The following KRT4 variants were observed in gnomAD, a reference collection of about 807,000 sequenced individuals.
The protein encoded by KRT4 is keratin 4, also known as keratin, type II cytoskeletal 4.
A neutral mutation model predicts 50.6 loss-of-function variants in KRT4; 47 were observed. The observed-to-expected ratio is 0.93, with a 90% confidence interval of 0.73 to 1.18. The LOEUF (loss-of-function observed/expected upper bound fraction) is 1.18, where lower values mean the gene tolerates loss of function less well. Ranked by LOEUF, KRT4 falls within the 50% of genes most tolerant of loss-of-function variation. The probability of loss-of-function intolerance (pLI) is 0.00; values close to 1 mark genes in which losing one functional copy is unlikely to be tolerated. For missense variants in KRT4, 651 were observed against 645.7 expected, an observed-to-expected ratio of 1.01 and a Z score of -0.09; for synonymous variants, 254 against 251.2, an observed-to-expected ratio of 1.01 and a Z score of -0.10.
chr12:52,806,971 A>C lies in KRT4; in HGVS notation c.*98T>G, dbSNP rs1277500729. The C allele has an allele frequency of 8.6e-7, 1 of 1,167,754 alleles. No homozygotes were observed. The highest frequency in any genetic ancestry group is 1.3e-6 in the Non-Finnish European group (1 of 784,850). The allele number at this position is 1,167,754 out of a possible 1,614,324, so 72.3% of individuals were successfully genotyped here. ...TAGTGGAGGGGATACTAGTAAGATG[A>C]GCCCCAGAGACAGAGGATGGAGGTG... On this transcript the variant is annotated 3_prime_UTR_variant, in exon 9 of 9. Transcript: ENST00000551956.
At chr12:52,810,668 A>G in intron 3 of KRT4, 88 bp downstream of exon 3, 1 of 1,086,282 alleles carries the variant, frequency 9.2e-7, no homozygotes, top group Non-Finnish European at 1.4e-6. Context: ...TGAGGCAGAG[A>G]TGGACCAAAC....
At chr12:52,812,418 G>T (rs1939928871) in intron 1 of KRT4, among the ~76,000 whole-genome samples, 6 of 152,188 alleles carry the variant, frequency 3.9e-5, no homozygotes, top group Admixed American at 3.9e-4. Context: ...CTTATCAATG[G>T]ATCTGGCGTG....
At chr12:52,812,833 C>T (rs1185961501) in intron 1 of KRT4, among the ~76,000 whole-genome samples, 1 of 152,108 alleles carries the variant, frequency 6.6e-6, no homozygotes, top group Admixed American at 6.5e-5. Context: ...TCATTCTTGC[C>T]CCATATGTCG....
Position 52,807,206 on chromosome 12 carries a change from A to G in KRT4, c.1426T>C (p.Leu476=), listed in dbSNP as rs1160850979. ...STSTGGISGG[L]GSGSGFGLSS... is the part of the protein sequence containing the mutation. ...AGGCCAAACCCGGAGCCACTTCCTA[A>G]TCCTCCGCTGATGCCTCCAGTGCTG... The change falls in exon 9 of 9, where the codon TTA becomes CTA. Residue 476 remains leucine (L), a synonymous_variant. Coordinates refer to ENST00000551956, the MANE Select transcript of KRT4 (RefSeq NM_002272.4). 6.2e-7 allele frequency: 1 copy of G among 1,614,114 alleles called. No homozygotes were observed.
chr12:52,811,909 G>A lies in KRT4; in HGVS notation c.531C>T (p.Thr177=), dbSNP rs1175167184. Residue 177 remains threonine, a synonymous_variant, in exon 2 of 9, where the codon ACC becomes ACT. Coordinates refer to ENST00000551956, the MANE Select transcript of KRT4 (RefSeq NM_002272.4). ...GCTCAAGGTTTTTGCTGGAGGTGGTGGTCGTCTGCTGCTGGAGCAGGTTCC... is the reference window on the plus strand; with the variant it reads ...GCTCAAGGTTTTTGCTGGAGGTGGTAGTCGTCTGCTGCTGGAGCAGGTTCC... The part of the protein sequence containing the change: ...TKWNLLQQQT[T]TTSSKNLEPL... The A allele has an allele frequency of 2.5e-6, 4 of 1,614,004 alleles. No homozygotes were observed. Among genetic ancestry groups the A allele is most frequent in the Admixed American group, 3.3e-5 (2 of 60,012 alleles).
At chr12:52,807,324 A>T in intron 8 of KRT4, 35 bp downstream of exon 8, 1 of 1,612,156 alleles carries the variant, frequency 6.2e-7, no homozygotes, top group Non-Finnish European at 8.5e-7. Context: ...GACCCGGGTG[A>T]ATGAACAACT....
intron 7 of KRT4, 89 bp downstream of exon 7, chr12:52,807,555 C>A: frequency 6.5e-7 from 1 of 1,528,578 alleles, no homozygotes; most frequent in Non-Finnish European, 9.1e-7. Context: ...CGGCACAACA[C>A]TGATGCTTGC....
At position 52,813,742 on chromosome 12, in the gene KRT4, G is replaced by C. The variant is rs753431318; in HGVS notation, c.317C>G (p.Ala106Gly). 1.4e-5 allele frequency: 22 copies of C among 1,614,248 alleles called. No individual in the cohort carries two copies. The South Asian group carries it at 2.2e-4, about 16-fold the overall frequency. Residue 106 changes from alanine to glycine, a missense_variant, in exon 1 of 9, where the codon GCT (alanine) becomes GGT (glycine). Physicochemically the swap from Ala to Gly is moderately conservative, Grantham distance 60. Coordinates refer to ENST00000551956, the MANE Select transcript of KRT4 (RefSeq NM_002272.4). ...GATGGTGACCTCCTGAATTCCCCCA[G>C]CGGGGCAGACGGGGAAGCCAGGGCC... ...KGGPGFPVCPAGGIQEVTINQ... is the reference protein window; with the variant it reads ...KGGPGFPVCPGGGIQEVTINQ...
At chr12:52,808,146 A>C in intron 6 of KRT4, 148 bp downstream of exon 6, 1 of 1,052,194 alleles carries the variant, frequency 9.5e-7, no homozygotes, top group South Asian at 1.3e-5. Context: ...TGCTGAAAAA[A>C]TCTGGGTATG....
At position 52,811,840 on chromosome 12, in the gene KRT4, A is replaced by C; in HGVS notation, c.600T>G (p.Asp200Glu). The C allele has an allele frequency of 6.2e-7, 1 of 1,614,036 alleles. No homozygotes were observed. The highest frequency in any genetic ancestry group is 1.1e-5 in the South Asian group (1 of 91,066). The change falls in exon 2 of 9, where the codon GAT becomes GAG. Residue 200 changes from aspartate to glutamate, a missense_variant. Physicochemically the swap from Asp to Glu is conservative, Grantham distance 45. Transcript: ENST00000551956. ...TYLSVLRKQL[D>E]TLGNDKGRLQ... is the part of the protein sequence containing the mutation. ...GGCGCCCTTTGTCATTGCCCAAGGT[A>C]TCTAGCTGCTTCCTCAGGACACTGA...
intron 3 of KRT4, among the ~76,000 whole-genome samples, chr12:52,809,950 GC>G (rs111895385): frequency 0.011 from 1,682 of 152,218 alleles, 33 homozygotes; most frequent in African/African-American, 0.039. Context: ...ATGTCTTTTT[GC>G]AGCAATGTGG....
chr12:52,813,226 G>A (rs1178640486), intron 1 of KRT4, among the ~76,000 whole-genome samples: 1 of 152,094 alleles, frequency 6.6e-6, no homozygotes, highest in African/African-American at 2.4e-5. Flanking sequence ...AACAGAAGTG[G>A]CCACTGTTAA....
intron 1 of KRT4, 34 bp downstream of exon 1, chr12:52,813,563 T>A: frequency 6.3e-7 from 1 of 1,592,246 alleles, no homozygotes; most frequent in Non-Finnish European, 8.6e-7. Flanking sequence ...CCCTCTCTTC[T>A]AACTGCCCCT....
chr12:52,811,687 C>G, intron 2 of KRT4, 76 bp downstream of exon 2: 2 of 1,246,560 alleles, frequency 1.6e-6, no homozygotes, highest in Non-Finnish European at 2.4e-6. Flanking sequence ...TTCTAAGCCA[C>G]TGGAGAGAGC....
intron 2 of KRT4, chr12:52,811,498 T>G (rs1237564821): frequency 2.1e-5 from 10 of 482,452 alleles, no homozygotes; most frequent in Non-Finnish European, 3.4e-5. Flanking sequence ...ACTATACTGC[T>G]TTTCATCTAT....
intron 3 of KRT4, among the ~76,000 whole-genome samples, chr12:52,810,390 A>T (rs531139548): frequency 6.6e-6 from 1 of 152,296 alleles, no homozygotes; most frequent in African/African-American, 2.4e-5. Context: ...TCTACTAAAA[A>T]TACAAAATTA....
chr12:52,808,097 C>A (rs1017790861), intron 6 of KRT4, among the ~76,000 whole-genome samples, 197 bp downstream of exon 6: 2 of 152,150 alleles, frequency 1.3e-5, no homozygotes, highest in African/African-American at 4.8e-5. Flanking sequence ...AGCCAAGAAA[C>A]CTATGCACAG....
chr12:52,814,040 A>C lies in KRT4; in HGVS notation c.19T>G (p.Cys7Gly), dbSNP rs765638457. 2.6e-5 allele frequency: 42 copies of C among 1,613,656 alleles called. No homozygotes were observed. The highest frequency in any genetic ancestry group is 3.6e-5 in the Non-Finnish European group (42 of 1,179,696). Residue 7 changes from cysteine to glycine, a missense_variant, in exon 1 of 9, where the codon TGT (cysteine) becomes GGT (glycine). Coordinates refer to ENST00000551956, the MANE Select transcript of KRT4 (RefSeq NM_002272.4). ...AAGCCCCGGGGCCCGCCTCGGACAC[A>C]CTGCTGTCTGGCAATCATGGCTGCA... Reference protein sequence around the residue: MIARQQCVRGGPRGFSC... With the variant: MIARQQGVRGGPRGFSC...
chr12:52,808,595 A>AT (rs972158211), intron 5 of KRT4, 91 bp downstream of exon 5: 1 of 1,520,590 alleles, frequency 6.6e-7, no homozygotes, highest in African/African-American at 1.4e-5. Context: ...TCTGACTTCT[A>AT]TTGGGCTTGA....
Sources: allele counts gnomAD v4.1 joint callset (sites outside exome capture counted in the v4.1 genomes callset), GRCh38; gene constraint gnomAD v4.1.1; transcripts MANE v1.5; gene names NCBI Gene and HGNC (gene_info 2026-07-23, HGNC 2026-07-21).